Variants in SNTG1 observed in about 807,000 individuals in gnomAD.
The protein encoded by SNTG1 is gamma-1-syntrophin.
In SNTG1, 39 loss-of-function variants were observed where a neutral mutation model predicts 74.7. The ratio of observed to expected loss-of-function variants is 0.52; its 90% CI spans 0.40 to 0.68. SNTG1 has a LOEUF of 0.68. Ranked by LOEUF, SNTG1 falls within the 30% of genes least tolerant of loss-of-function variation. The pLI is 0.00. For missense variants in SNTG1, 685 were observed against 609.5 expected (o/e 1.12, Z -1.30); for synonymous variants, 254 against 217.1 (o/e 1.17, Z -1.49).
intron 1 of SNTG1, among the ~76,000 whole-genome samples, chr8:49,980,062 G>GA (rs780806489): frequency 4.6e-5 from 7 of 152,076 alleles, no homozygotes; most frequent in Admixed American, 6.6e-5. Context: ...AAGTGACAAG[G>GA]AAAAAACCAC....
intron 1 of SNTG1, among the ~76,000 whole-genome samples, chr8:49,974,593 A>G (rs11783503): frequency 0.11 from 16,426 of 152,162 alleles, 1,336 homozygotes; most frequent in African/African-American, 0.21. Flanking sequence ...TTGGAAGAAC[A>G]TAGTCCTCAC....
chr8:50,102,699 C>T (rs1172704914), intron 1 of SNTG1, among the ~76,000 whole-genome samples: 125 of 151,056 alleles, frequency 8.3e-4, no homozygotes, highest in African/African-American at 2.8e-3. Flanking sequence ...TTAGGTCTAA[C>T]GTTTAAATCT....
chr8:50,226,117 T>C (rs1047519311), intron 2 of SNTG1, among the ~76,000 whole-genome samples: 3 of 152,236 alleles, frequency 2.0e-5, no homozygotes, highest in African/African-American at 7.2e-5. Context: ...ATTCTGGTTT[T>C]TATTTTTATT....
intron 5 of SNTG1, among the ~76,000 whole-genome samples, chr8:50,441,080 C>T (rs1158836127): frequency 6.6e-6 from 1 of 152,134 alleles, no homozygotes; most frequent in Non-Finnish European, 1.5e-5. Context: ...TAATTCCTCA[C>T]ATCTCCCCAC....
At chr8:50,642,572 C>A (rs145691924) in intron 13 of SNTG1, among the ~76,000 whole-genome samples, 2 of 152,248 alleles carry the variant, frequency 1.3e-5, no homozygotes, top group Non-Finnish European at 2.9e-5. Context: ...ATCGTCCTGG[C>A]AAGCCCTTGT....
intron 2 of SNTG1, among the ~76,000 whole-genome samples, chr8:50,277,611 C>A (rs958817640): frequency 6.6e-6 from 1 of 152,038 alleles, no homozygotes; most frequent in Non-Finnish European, 1.5e-5. Context: ...TATGATCTTA[C>A]ATTGGTATAA....
intron 13 of SNTG1, among the ~76,000 whole-genome samples, chr8:50,627,146 G>C (rs1472631062): frequency 6.6e-6 from 1 of 151,994 alleles, no homozygotes; most frequent in Non-Finnish European, 1.5e-5. Flanking sequence ...TCCATTTCCA[G>C]GCATGACTGC....
At chr8:50,649,070 T>C (rs968471921) in intron 13 of SNTG1, among the ~76,000 whole-genome samples, 1 of 152,226 alleles carries the variant, frequency 6.6e-6, no homozygotes, top group Non-Finnish European at 1.5e-5. Context: ...ACTTACTCTA[T>C]ACTCGTACTA....
chr8:50,364,477 T>A (rs1181486842), intron 2 of SNTG1, among the ~76,000 whole-genome samples: 5 of 152,200 alleles, frequency 3.3e-5, no homozygotes, highest in Non-Finnish European at 2.9e-5. Flanking sequence ...TGACGGTTTA[T>A]GTATATTCTG....
At chr8:50,494,141 A>T (rs1422376262) in intron 8 of SNTG1, among the ~76,000 whole-genome samples, 1 of 151,176 alleles carries the variant, frequency 6.6e-6, no homozygotes, top group East Asian at 1.9e-4. Context: ...ACACACACAC[A>T]TATATATATA....
At chr8:50,238,226 A>C (rs2086004817) in intron 2 of SNTG1, among the ~76,000 whole-genome samples, 1 of 152,158 alleles carries the variant, frequency 6.6e-6, no homozygotes, top group Non-Finnish European at 1.5e-5. Flanking sequence ...GGATCACACT[A>C]CTTGACTTAT....
intron 1 of SNTG1, among the ~76,000 whole-genome samples, chr8:50,074,908 G>A (rs203936): frequency 0.53 from 80,044 of 152,102 alleles, 24,053 homozygotes; most frequent in East Asian, 0.84. Context: ...CACTCGCGGC[G>A]CACGCGAGTT....
intron 8 of SNTG1, among the ~76,000 whole-genome samples, chr8:50,486,238 G>C (rs1253661939): frequency 2.9e-5 from 3 of 102,452 alleles, no homozygotes; most frequent in Non-Finnish European, 4.3e-5. Flanking sequence ...ATTACCTTGG[G>C]CAGTATGGCC....
At chr8:50,775,906 G>A (rs2095639435) in intron 18 of SNTG1, among the ~76,000 whole-genome samples, 1 of 151,058 alleles carries the variant, frequency 6.6e-6, no homozygotes, top group South Asian at 2.1e-4. Flanking sequence ...TTGAAGTTTA[G>A]CTCATCTAAT....
intron 13 of SNTG1, among the ~76,000 whole-genome samples, chr8:50,594,554 A>G (rs753053818): frequency 7.9e-5 from 12 of 152,266 alleles, no homozygotes; most frequent in Non-Finnish European, 1.5e-4. Context: ...TTGACGAACC[A>G]TAATAATTTG....
intron 15 of SNTG1, among the ~76,000 whole-genome samples, chr8:50,675,417 C>T (rs1381333750): frequency 2.0e-5 from 3 of 151,776 alleles, no homozygotes; most frequent in African/African-American, 4.8e-5. Flanking sequence ...TTATGTAATG[C>T]TCTTCTTTGT....
rs1449998236 is a variant in SNTG1 at position 50,150,513 on chromosome 8, T to A, written c.-102-22048T>A. On this transcript the variant is annotated intron_variant, in intron 1 of 18. Transcript: ENST00000642720. ...GCTTCCAGTTTTTGCCCTTTCAGTA[T>A]GATATTGGCTGTGGGTTTGTCATAA... Among the ~76,000 whole-genome samples the A allele has an allele frequency of 2.0e-5, 3 of 152,224 alleles. No individual in the cohort carries two copies. In the East Asian group the frequency reaches 5.8e-4, roughly 29 times the overall value.
At chr8:50,714,284 T>C (rs1361035383) in intron 17 of SNTG1, among the ~76,000 whole-genome samples, 3 of 152,124 alleles carry the variant, frequency 2.0e-5, no homozygotes, top group African/African-American at 7.2e-5. Flanking sequence ...CCTCCAGCTT[T>C]GTTCTTTTTG....
chr8:50,403,887 T>C (rs192809425), intron 4 of SNTG1, among the ~76,000 whole-genome samples: 16 of 152,322 alleles, frequency 1.1e-4, no homozygotes, highest in South Asian at 4.1e-4. Flanking sequence ...TTCTCTGAGA[T>C]TGAAAGCAAG....
Sources: allele counts gnomAD v4.1 joint callset (sites outside exome capture counted in the v4.1 genomes callset), GRCh38; gene constraint gnomAD v4.1.1; transcripts MANE v1.5; gene names NCBI Gene and HGNC (gene_info 2026-07-23, HGNC 2026-07-21).